The following MALRD1 variants were observed in gnomAD, a reference collection of about 807,000 sequenced individuals.
MALRD1 encodes MAM and LDL-receptor class A domain-containing protein 1.
Under a neutral mutation model 242.1 loss-of-function variants are expected in MALRD1, and 247 were observed. The observed-to-expected ratio is 1.02, with a 90% CI of 0.92 to 1.13. The LOEUF is 1.13. Among genes scored for constraint, MALRD1 ranks in the 50% most tolerant of loss-of-function variants. The pLI is 0.00. For synonymous variants in MALRD1, 995 were observed against 866.6 expected, an observed-to-expected ratio of 1.15 and a Z score of -2.60; for missense variants, 2,989 against 2,533.1, an observed-to-expected ratio of 1.18 and a Z score of -3.86.
Position 19,155,167 on chromosome 10 carries a change from T to C in MALRD1, c.1651T>C (p.Cys551Arg). Residue 551 changes from cysteine (C) to arginine (R), a missense_variant, in exon 12 of 40, where the codon TGT becomes CGT. Transcript: ENST00000454679. ...AAAATTGCTCACTGCCTCTACCCCA[T>C]GTCAGGTAATCAACTGTTCTGAATT... Reference protein sequence around the residue: ...LTKLLTASTPCQVQFWYHLSQ... With the variant: ...LTKLLTASTPRQVQFWYHLSQ... 1 of 1,231,034 alleles carries C rather than the reference T, an allele frequency of 8.1e-7. No homozygotes were observed. Among genetic ancestry groups the C allele is most frequent in the Non-Finnish European group, 1.0e-6 (1 of 987,408 alleles). 76.3% of individuals were successfully genotyped at this position (1,231,034 alleles called of 1,614,324 possible).
chr10:19,097,870 A>C (rs553339343), intron 4 of MALRD1, among the ~76,000 whole-genome samples: 1 of 152,216 alleles, frequency 6.6e-6, no homozygotes, highest in South Asian at 2.1e-4. Context: ...CCTTTATCAC[A>C]AAAGATTGTA....
At chr10:19,137,762 A>T (rs1377624904) in intron 10 of MALRD1, among the ~76,000 whole-genome samples, 2 of 152,204 alleles carry the variant, frequency 1.3e-5, no homozygotes, top group African/African-American at 2.4e-5. Context: ...GCATAGTCAT[A>T]GTTCAACAAA....
chr10:19,693,585 C>T (rs911264597), intron 38 of MALRD1, among the ~76,000 whole-genome samples: 1 of 152,128 alleles, frequency 6.6e-6, no homozygotes. Flanking sequence ...AGGACACAAA[C>T]AAATGGAAGA....
chr10:19,106,885 G>A (rs2131342781), intron 5 of MALRD1, among the ~76,000 whole-genome samples: 1 of 151,838 alleles, frequency 6.6e-6, no homozygotes. Context: ...TTCATCATTG[G>A]CTTATTTTGT....
At chr10:19,160,993 C>T (rs1834370244) in intron 12 of MALRD1, among the ~76,000 whole-genome samples, 1 of 151,680 alleles carries the variant, frequency 6.6e-6, no homozygotes, top group African/African-American at 2.4e-5. Flanking sequence ...CCCAGCCATC[C>T]CATTACTGGG....
chr10:19,212,673 T>C (rs1837122678), intron 18 of MALRD1, among the ~76,000 whole-genome samples: 1 of 98,118 alleles, frequency 1.0e-5, no homozygotes, highest in African/African-American at 4.3e-5. Context: ...TCTTAAACTG[T>C]TTTTCAAAGT....
At chr10:19,232,497 A>G (rs1838127083) in intron 18 of MALRD1, among the ~76,000 whole-genome samples, 1 of 151,928 alleles carries the variant, frequency 6.6e-6, no homozygotes, top group Non-Finnish European at 1.5e-5. Flanking sequence ...TATTTTAACT[A>G]CTAACCTAAA....
rs570255011 is a variant in MALRD1 at position 19,113,657 on chromosome 10, T to C, written c.694+9582T>C. ...CTTCCTTTTCTTTCTTTCTTTCTTT[T>C]TTTTCTTTGTTTTTGATATGTCCTT... On this transcript the variant is annotated intron_variant, in intron 5 of 39. Transcript: ENST00000454679. Among the ~76,000 whole-genome samples the C allele has an allele frequency of 2.6e-5, 4 of 152,020 alleles. No individual in the cohort carries two copies. In the East Asian group the frequency reaches 5.8e-4, roughly 22 times the overall value.
chr10:19,476,618 G>A (rs1359295807), intron 29 of MALRD1, among the ~76,000 whole-genome samples: 1 of 152,170 alleles, frequency 6.6e-6, no homozygotes, highest in East Asian at 1.9e-4. Context: ...GCTAAGCAAT[G>A]ACTATGGATT....
intron 21 of MALRD1, among the ~76,000 whole-genome samples, chr10:19,288,844 A>G (rs938117876): frequency 6.6e-6 from 1 of 152,116 alleles, no homozygotes. Context: ...TGCTGCTTCA[A>G]AGAAAACTAA....
In MALRD1 at chr10:19,347,767, C is replaced by G. The variant is rs79220554; in HGVS notation, c.3902-4C>G. On this transcript the variant is annotated splice_region_variant and splice_polypyrimidine_tract_variant and intron_variant, in intron 24 of 39. Transcript: ENST00000454679. ...TGTAACATATATTTGGAAATATTTT[C>G]CAGGTACCTCCAGTGGGCGCTGTGA... The G allele has an allele frequency of 3.0e-3, 4,714 of 1,549,184 alleles. 26 individuals carry two copies. The highest frequency in any genetic ancestry group is 2.8e-3 in the Non-Finnish European group (3,264 of 1,146,338).
intron 2 of MALRD1, among the ~76,000 whole-genome samples, 198 bp downstream of exon 2, chr10:19,067,057 A>C (rs1835002979): frequency 6.6e-6 from 1 of 152,170 alleles, no homozygotes; most frequent in Admixed American, 6.5e-5. Flanking sequence ...CCAGTTTCAA[A>C]ATATTTATGA....
At chr10:19,638,824 A>G (rs1426211829) in intron 36 of MALRD1, among the ~76,000 whole-genome samples, 2 of 152,180 alleles carry the variant, frequency 1.3e-5, no homozygotes, top group South Asian at 4.1e-4. Context: ...TCAGACTCAA[A>G]CCATAAGAGA....
intron 1 of MALRD1, among the ~76,000 whole-genome samples, chr10:19,060,222 G>T (rs1281112148): frequency 6.6e-6 from 1 of 152,092 alleles, no homozygotes; most frequent in East Asian, 1.9e-4. Context: ...TGAGCCTTCT[G>T]CCCCATGCAG....
At chr10:19,120,884 C>T (rs543014013) in intron 5 of MALRD1, among the ~76,000 whole-genome samples, 1 of 152,174 alleles carries the variant, frequency 6.6e-6, no homozygotes, top group African/African-American at 2.4e-5. Context: ...GCTGGGACTA[C>T]AGGCATGCAA....
At chr10:19,715,809 TTGAG>T (rs537740841) in intron 38 of MALRD1, among the ~76,000 whole-genome samples, 23 of 152,176 alleles carry the variant, frequency 1.5e-4, no homozygotes, top group African/African-American at 5.5e-4. Context: ...ACAAGAGTGA[TTGAG>T]AGAGAGAGGG....
intron 36 of MALRD1, among the ~76,000 whole-genome samples, chr10:19,670,449 C>T (rs542476426): frequency 1.3e-5 from 2 of 152,162 alleles, no homozygotes; most frequent in Non-Finnish European, 2.9e-5. Flanking sequence ...GTCTTGCTCT[C>T]TTTTTCAGAC....
intron 38 of MALRD1, among the ~76,000 whole-genome samples, chr10:19,709,243 TAAA>T (rs557818453): frequency 0.052 from 5,556 of 105,842 alleles, 360 homozygotes; most frequent in African/African-American, 0.18. Flanking sequence ...CCGTCTGTAC[TAAA>T]AAAAAAAAAA....
intron 28 of MALRD1, among the ~76,000 whole-genome samples, chr10:19,416,000 A>G (rs1022363757): frequency 7.2e-5 from 11 of 152,318 alleles, no homozygotes; most frequent in African/African-American, 2.4e-4. Flanking sequence ...AAGTTTTCGG[A>G]TTTGTCTGTG....
Sources: gnomAD v4.1 joint callset for allele counts (sites outside exome capture counted in the v4.1 genomes callset) on GRCh38, gnomAD v4.1.1 for gene constraint, MANE v1.5 for transcripts, NCBI Gene and HGNC (gene_info 2026-07-23, HGNC 2026-07-21) for gene names.